Variants in NLGN1 observed in about 807,000 individuals in gnomAD.
NLGN1 encodes neuroligin 1.
A neutral mutation model predicts 65.5 loss-of-function variants in NLGN1; 12 were observed. The ratio of observed to expected loss-of-function variants is 0.18; its 90% CI spans 0.12 to 0.30. The LOEUF (loss-of-function observed/expected upper bound fraction) is 0.30, where lower values mean the gene tolerates loss of function less well. Among genes scored for constraint, NLGN1 ranks in the 10% least tolerant of loss-of-function variants. The pLI, the probability that NLGN1 is intolerant of heterozygous loss-of-function variation, is 1.00. For synonymous variants in NLGN1, 350 were observed against 359.5 expected (o/e 0.97, Z 0.30); for missense variants, 750 against 1,007.1 (o/e 0.74, Z 3.46).
At chr3:173,952,558 G>A (rs1379979603) in intron 4 of NLGN1, among the ~76,000 whole-genome samples, 2 of 152,068 alleles carry the variant, frequency 1.3e-5, no homozygotes, top group South Asian at 2.1e-4. Flanking sequence ...TAATAGAGTC[G>A]TCTGTACTTT....
At chr3:173,855,372 CTAAA>C (rs959294034) in intron 4 of NLGN1, among the ~76,000 whole-genome samples, 4 of 151,980 alleles carry the variant, frequency 2.6e-5, no homozygotes, top group African/African-American at 7.2e-5. Flanking sequence ...ATTACCAACT[CTAAA>C]TATTCTCTTA....
At chr3:173,824,549 G>T (rs1455253237) in intron 4 of NLGN1, among the ~76,000 whole-genome samples, 1 of 152,014 alleles carries the variant, frequency 6.6e-6, no homozygotes, top group Non-Finnish European at 1.5e-5. Flanking sequence ...TGCCCTCAGG[G>T]GACCGCATGT....
At chr3:174,172,529 G>C (rs939593738) in intron 4 of NLGN1, among the ~76,000 whole-genome samples, 1 of 151,976 alleles carries the variant, frequency 6.6e-6, no homozygotes. Context: ...TTATTCTTTT[G>C]CATATAGGTG....
At chr3:173,843,494 A>G (rs1725182034) in intron 4 of NLGN1, among the ~76,000 whole-genome samples, 1 of 152,206 alleles carries the variant, frequency 6.6e-6, no homozygotes, top group African/African-American at 2.4e-5. Context: ...ATAGCACCTA[A>G]GTCACCTCTT....
intron 4 of NLGN1, among the ~76,000 whole-genome samples, chr3:174,074,883 G>A (rs1045041135): frequency 6.6e-5 from 10 of 152,172 alleles, no homozygotes; most frequent in African/African-American, 1.9e-4. Flanking sequence ...CCACTGAGCC[G>A]TGGGCTTCTT....
chr3:174,284,852 CA>C (rs1266609492), exon 7 of NLGN1: 3 of 151,328 alleles, frequency 2.0e-5, no homozygotes, highest in African/African-American at 7.3e-5. Context: ...TTCCTCATTT[CA>C]AATATAAAAG....
At chr3:173,453,594 C>A (rs1370270246) in intron 2 of NLGN1, among the ~76,000 whole-genome samples, 1 of 152,162 alleles carries the variant, frequency 6.6e-6, no homozygotes, top group Non-Finnish European at 1.5e-5. Flanking sequence ...ATGTTCACAG[C>A]ATCTTCTCTG....
At chr3:173,656,229 T>A (rs1760009160) in intron 3 of NLGN1, among the ~76,000 whole-genome samples, 1 of 152,128 alleles carries the variant, frequency 6.6e-6, no homozygotes, top group South Asian at 2.1e-4. Context: ...CTGCTTCACA[T>A]ATGCCTAAAA....
At chr3:174,132,409 T>C (rs1216688177) in intron 4 of NLGN1, among the ~76,000 whole-genome samples, 2 of 152,232 alleles carry the variant, frequency 1.3e-5, no homozygotes, top group East Asian at 3.8e-4. Context: ...TTTCTTTTCT[T>C]TTAATAGGAT....
intron 3 of NLGN1, among the ~76,000 whole-genome samples, chr3:173,701,472 CATTCTT>C (rs1767155585): frequency 6.6e-6 from 1 of 152,052 alleles, no homozygotes; most frequent in African/African-American, 2.4e-5. Context: ...ATAAGAAACT[CATTCTT>C]ATAGAGCCTC....
chr3:173,998,757 T>A lies in NLGN1; in HGVS notation c.646+190925T>A, dbSNP rs546225170. Among the ~76,000 whole-genome samples, 38 of 152,308 alleles carry A rather than the reference T, an allele frequency of 2.5e-4. No homozygotes were observed. In the South Asian group the frequency reaches 7.7e-3, roughly 31 times the overall value. On this transcript the variant is annotated intron_variant, in intron 4 of 6. Coordinates refer to ENST00000457714, the Ensembl canonical transcript of NLGN1. ...TCACTCCCTGTTCTATGACTGCTCC[T>A]TTCAGGATACCAGTGGTCATGCTGA...
chr3:174,203,784 A>G (rs1033445599), intron 4 of NLGN1, among the ~76,000 whole-genome samples: 2 of 152,196 alleles, frequency 1.3e-5, no homozygotes, highest in East Asian at 3.8e-4. Context: ...CAGAATTTCT[A>G]GATTTGAATG....
chr3:173,815,586 A>G (rs1560427278), intron 4 of NLGN1, among the ~76,000 whole-genome samples: 1 of 151,738 alleles, frequency 6.6e-6, no homozygotes, highest in South Asian at 2.1e-4. Context: ...TTTTCCTCCT[A>G]CCTCCCTGAC....
rs544586628 is a variant in NLGN1, at chr3:173,569,540, AT to A, written c.-320-34730del. ...CTTAAGAGTAATAGGTTAAATTTTA[AT>A]TTTTTTTTCTTTTTTCTGAAAATAT... On this transcript the variant is annotated intron_variant, in intron 2 of 6. Transcript: ENST00000457714. Among the ~76,000 whole-genome samples, 558 of 146,098 alleles carry A rather than the reference AT, an allele frequency of 3.8e-3. 3 individuals carry two copies. The highest frequency in any genetic ancestry group is 6.0e-3 in the Non-Finnish European group (395 of 66,068).
Position 174,223,251 on chromosome 3 carries a change from T to G in NLGN1, c.647-52064T>G, listed in dbSNP as rs1738988254. Among the ~76,000 whole-genome samples the G allele has an allele frequency of 1.3e-5, 2 of 152,160 alleles. 1 individual carries two copies. The highest frequency in any genetic ancestry group is 1.3e-4 in the Admixed American group (2 of 15,278). On this transcript the variant is annotated intron_variant, in intron 4 of 6. Transcript: ENST00000457714. ...AGCTCACTCTCCTTTTGTGCCAAATTACCGTGCCAATTCTGCTTTTTATGT... is the reference window on the plus strand; with the variant it reads ...AGCTCACTCTCCTTTTGTGCCAAATGACCGTGCCAATTCTGCTTTTTATGT...
intron 4 of NLGN1, among the ~76,000 whole-genome samples, chr3:174,176,567 G>A (rs923395751): frequency 6.6e-6 from 1 of 151,790 alleles, no homozygotes; most frequent in African/African-American, 2.4e-5. Flanking sequence ...TAGCGCTTCA[G>A]TTCAGTTTTG....
At chr3:173,830,442 T>C (rs1442472999) in intron 4 of NLGN1, among the ~76,000 whole-genome samples, 1 of 152,308 alleles carries the variant, frequency 6.6e-6, no homozygotes, top group African/African-American at 2.4e-5. Context: ...ATTTATGAAA[T>C]GGGCCTTTTG....
At chr3:173,839,008 A>G (rs1248086536) in intron 4 of NLGN1, among the ~76,000 whole-genome samples, 6 of 151,892 alleles carry the variant, frequency 4.0e-5, no homozygotes, top group African/African-American at 1.4e-4. Flanking sequence ...TCGTGTCTTA[A>G]TTTTATATCA....
chr3:173,592,529 G>A (rs1748705457), intron 2 of NLGN1, among the ~76,000 whole-genome samples: 1 of 152,094 alleles, frequency 6.6e-6, no homozygotes, highest in Non-Finnish European at 1.5e-5. Flanking sequence ...AATTTCCATT[G>A]TATTGTCATT....
Sources: gnomAD v4.1 joint callset for allele counts (sites outside exome capture counted in the v4.1 genomes callset) on GRCh38, gnomAD v4.1.1 for gene constraint, MANE v1.5 for transcripts, NCBI Gene and HGNC (gene_info 2026-07-23, HGNC 2026-07-21) for gene names.